Variants in ADNP2 observed in about 807,000 individuals in gnomAD.
ADNP2 encodes ADNP homeobox 2, also known as activity-dependent neuroprotector homeobox protein 2.
In ADNP2, 8 loss-of-function variants were observed where a neutral mutation model predicts 16.4. The observed-to-expected ratio is 0.49, with a 90% CI of 0.29 to 0.88. ADNP2 has a LOEUF of 0.88. ADNP2 is among the 40% of genes least tolerant of loss of function. The pLI is 0.09. For synonymous variants in ADNP2, 637 were observed against 545.8 expected (o/e 1.17, Z -2.33); for missense variants, 1,397 against 1,395.1 (o/e 1.00, Z -0.02).
intron 3 of ADNP2, among the ~76,000 whole-genome samples, chr18:80,135,359 T>A (rs556743403): frequency 3.3e-4 from 50 of 152,350 alleles, no homozygotes; most frequent in African/African-American, 1.1e-3. Context: ...ACAAATTATT[T>A]TGGGGACTTT....
intron 2 of ADNP2, among the ~76,000 whole-genome samples, chr18:80,132,613 CTCTT>C (rs1365291322): frequency 6.6e-6 from 1 of 151,618 alleles, no homozygotes; most frequent in African/African-American, 2.4e-5. Context: ...CTTTCTCTTT[CTCTT>C]TCTTTTTTCT....
chr18:80,135,016 T>C (rs1307219163), intron 3 of ADNP2, among the ~76,000 whole-genome samples: 1 of 152,174 alleles, frequency 6.6e-6, no homozygotes, highest in Non-Finnish European at 1.5e-5. Flanking sequence ...AACATTGGAA[T>C]TAAGAGAAAT....
At chr18:80,135,442 C>T (rs915565569) in intron 3 of ADNP2, among the ~76,000 whole-genome samples, 170 bp from the exon 4 acceptor site, 1 of 152,190 alleles carries the variant, frequency 6.6e-6, no homozygotes, top group Non-Finnish European at 1.5e-5. Context: ...AACATAATCA[C>T]TCTCTGGCCC....
Position 80,137,418 on chromosome 18 carries a change from G to T in ADNP2, c.2005G>T (p.Ala669Ser), listed in dbSNP as rs201127126. The T allele has an allele frequency of 1.2e-6, 2 of 1,614,174 alleles. No homozygotes were observed. Among genetic ancestry groups the T allele is most frequent in the East Asian group, 4.5e-5 (2 of 44,878 alleles). ...MPSPPVLVNA[A>S]QSVFVQASSS... The stretch of plus-strand genomic sequence containing the variant: ...CTCTCCTCCAGTGCTGGTGAATGCT[G>T]CTCAGAGCGTGTTTGTTCAGGCCTC... Residue 669 changes from alanine (A) to serine (S), a missense_variant, in exon 4 of 4, where the codon GCT (alanine) becomes TCT (serine). Coordinates refer to ENST00000262198, the MANE Select transcript of ADNP2 (RefSeq NM_014913.4). The surrounding 1 kb of genome is among the most constrained non-coding windows in gnomAD (Gnocchi z 4.2).
At chr18:80,132,695 C>A (rs539044014) in intron 2 of ADNP2, among the ~76,000 whole-genome samples, 1 of 149,632 alleles carries the variant, frequency 6.7e-6, no homozygotes, top group African/African-American at 2.5e-5. Context: ...CTCCTCTCCC[C>A]TCCCCTCTCC....
In ADNP2 at chr18:80,136,568, T is replaced by C. The variant is rs1331443735; in HGVS notation, c.1155T>C (p.Val385=). 1 of 1,614,232 alleles carries C rather than the reference T, an allele frequency of 6.2e-7. No individual in the cohort carries two copies. The highest frequency in any genetic ancestry group is 2.2e-5 in the East Asian group (1 of 44,882). Residue 385 remains valine (V), a synonymous_variant, in exon 4 of 4, where the codon GTT becomes GTC. Coordinates refer to ENST00000262198, the MANE Select transcript of ADNP2 (RefSeq NM_014913.4). The part of the protein sequence containing the change: ...SQPVGPVNKS[V]GTSVLPINQT... ...CAGTCGGACCTGTCAATAAGTCTGT[T>C]GGAACTAGTGTCCTCCCCATAAATC...
Position 80,136,423 on chromosome 18 carries a change from C to T in ADNP2, c.1010C>T (p.Pro337Leu). 6.2e-7 allele frequency: 1 copy of T among 1,614,244 alleles called. No homozygotes were observed. Among genetic ancestry groups the T allele is most frequent in the Non-Finnish European group, 8.5e-7 (1 of 1,180,038 alleles). The change falls in exon 4 of 4, where the codon CCT (proline) becomes CTT (leucine). Residue 337 changes from proline to leucine, a missense_variant. Transcript: ENST00000262198. Reference protein sequence around the residue: ...GQSHMTLVSSPLPVGQNSLTL... With the variant: ...GQSHMTLVSSLLPVGQNSLTL... ...TCCCACATGACTCTGGTCTCCAGCC[C>T]TCTGCCTGTGGGCCAGAACAGCCTC... is the stretch of plus-strand genomic sequence containing the variant.
At chr18:80,122,201 T>G (rs896653680) in intron 2 of ADNP2, among the ~76,000 whole-genome samples, 1 of 152,198 alleles carries the variant, frequency 6.6e-6, no homozygotes, top group African/African-American at 2.4e-5. Flanking sequence ...ATTACAGATG[T>G]GAGCCACTGT....
Position 80,139,835 on chromosome 18 carries a change from T to G in ADNP2, c.*1026T>G, listed in dbSNP as rs1028890823. On this transcript the variant is annotated 3_prime_UTR_variant, in exon 4 of 4. Coordinates refer to ENST00000262198, the MANE Select transcript of ADNP2 (RefSeq NM_014913.4). ...CTCCATGGTTGGTACAGTAAGTCTT[T>G]GACCACATTTTCTGAAGGTCATGTT... The G allele has an allele frequency of 6.6e-6, 1 of 152,226 alleles. No individual in the cohort carries two copies. The highest frequency in any genetic ancestry group is 1.5e-5 in the Non-Finnish European group (1 of 68,036). 9.4% of individuals were successfully genotyped at this position (152,226 alleles called of 1,614,324 possible).
Position 80,136,265 on chromosome 18 carries a change from C to T in ADNP2, c.852C>T (p.Ser284=), listed in dbSNP as rs778905702. 54 of 1,613,826 alleles carry T rather than the reference C, an allele frequency of 3.3e-5. No individual in the cohort carries two copies. Among genetic ancestry groups the T allele is most frequent in the East Asian group, 3.3e-4 (15 of 44,882 alleles). The stretch of plus-strand genomic sequence containing the variant: ...CACCAGCAAATGGCAGTGCTCCAAG[C>T]GCTCCAGCGCAGCCTCCTTGCTTCC... The part of the protein sequence containing the change: ...LAAPANGSAP[S]APAQPPCFHL... The change falls in exon 4 of 4, where the codon AGC becomes AGT. Residue 284 remains serine (S), a synonymous_variant. Transcript: ENST00000262198.
rs757843139 is a variant in ADNP2 at position 80,137,132 on chromosome 18, C to G, written c.1719C>G (p.Thr573=). ...TGCAACTCAACCAGACTGTGGGCAC[C>G]AACATTCTGCCTGTGAATCAGCCAG... The part of the protein sequence containing the change: ...GVLQLNQTVG[T]NILPVNQPVR... Residue 573 remains threonine, a synonymous_variant, in exon 4 of 4, where the codon ACC becomes ACG. Transcript: ENST00000262198. The surrounding 1 kb of genome is among the most constrained non-coding windows in gnomAD (Gnocchi z 4.2). The G allele has an allele frequency of 6.2e-7, 1 of 1,614,162 alleles. No individual in the cohort carries two copies. Among genetic ancestry groups the G allele is most frequent in the Non-Finnish European group, 8.5e-7 (1 of 1,180,032 alleles).
chr18:80,109,594 C>A (rs1302813928), intron 1 of ADNP2, 122 bp downstream of exon 1: 1 of 148,830 alleles, frequency 6.7e-6, no homozygotes, highest in African/African-American at 2.4e-5. Context: ...CACACCCACG[C>A]CCGCCGCCTG....
chr18:80,130,780 C>T (rs527911647), intron 2 of ADNP2, among the ~76,000 whole-genome samples: 2 of 120,096 alleles, frequency 1.7e-5, no homozygotes, highest in African/African-American at 6.4e-5. Context: ...ACAGTTGGAG[C>T]TCTCTGCGTT....
intron 1 of ADNP2, among the ~76,000 whole-genome samples, chr18:80,112,683 A>G (rs2052365426): frequency 6.6e-6 from 1 of 152,196 alleles, no homozygotes; most frequent in South Asian, 2.1e-4. Context: ...TGAGAGCCTC[A>G]TTTTAGTAAC....
At chr18:80,133,994 A>T (rs2052515177) in intron 3 of ADNP2, among the ~76,000 whole-genome samples, 1 of 152,104 alleles carries the variant, frequency 6.6e-6, no homozygotes, top group Non-Finnish European at 1.5e-5. Context: ...CACCATGCCC[A>T]GATAAGCATT....
At chr18:80,123,120 T>C (rs1338701890) in intron 2 of ADNP2, among the ~76,000 whole-genome samples, 2 of 152,174 alleles carry the variant, frequency 1.3e-5, no homozygotes, top group African/African-American at 4.8e-5. Flanking sequence ...GTGAATTACA[T>C]TGATATATTT....
chr18:80,113,688 A>G (rs1456863861), intron 1 of ADNP2, among the ~76,000 whole-genome samples: 1 of 152,162 alleles, frequency 6.6e-6, no homozygotes, highest in African/African-American at 2.4e-5. Context: ...TCTCAAGCAA[A>G]TATAACATGA....
In ADNP2 at chr18:80,136,274, G is replaced by A. The variant is rs200554106; in HGVS notation, c.861G>A (p.Ala287=). Reference sequence around the variant, plus strand: ...ATGGCAGTGCTCCAAGCGCTCCAGCGCAGCCTCCTTGCTTCCATCTTGCTT... The same window carrying A: ...ATGGCAGTGCTCCAAGCGCTCCAGCACAGCCTCCTTGCTTCCATCTTGCTT... ...PANGSAPSAP[A]QPPCFHLALP... Residue 287 remains alanine (A), a synonymous_variant, in exon 4 of 4, where the codon GCG becomes GCA. Coordinates refer to ENST00000262198, the MANE Select transcript of ADNP2 (RefSeq NM_014913.4). 59 of 1,613,786 alleles carry A rather than the reference G, an allele frequency of 3.7e-5. No individual in the cohort carries two copies. The East Asian group carries it at 6.7e-4, about 18-fold the overall frequency.
Position 80,140,073 on chromosome 18 carries a change from A to C in ADNP2, c.*1264A>C, listed in dbSNP as rs1250364961. The C allele has an allele frequency of 6.6e-6, 1 of 152,222 alleles. No homozygotes were observed. The highest frequency in any genetic ancestry group is 1.9e-4 in the East Asian group (1 of 5,202). The allele number at this position is 152,222 out of a possible 1,614,324, so 9.4% of individuals were successfully genotyped here. On this transcript the variant is annotated 3_prime_UTR_variant, in exon 4 of 4. Coordinates refer to ENST00000262198, the MANE Select transcript of ADNP2 (RefSeq NM_014913.4). ...TGGTAAGTCATATTTCTGGTGGTAC[A>C]CAGCAGAGGAACCCCTTCACTCTAT...
Sources: gnomAD v4.1 joint callset for allele counts (sites outside exome capture counted in the v4.1 genomes callset) on GRCh38, gnomAD v4.1.1 for gene constraint, Gnocchi (gnomAD v3.1) non-coding constraint, MANE v1.5 for transcripts, NCBI Gene and HGNC (gene_info 2026-07-23, HGNC 2026-07-21) for gene names.